IL7: variants seen among roughly 807,000 people sequenced by gnomAD.
The protein encoded by IL7 is interleukin-7.
In IL7, 3 loss-of-function variants were observed where a neutral mutation model predicts 21.6. The ratio of observed to expected loss-of-function variants is 0.14; its 90% CI spans 0.06 to 0.36. The LOEUF is 0.36. Ranked by LOEUF, IL7 falls within the 10% of genes least tolerant of loss-of-function variation. The probability of loss-of-function intolerance (pLI) is 1.00; values close to 1 mark genes in which losing one functional copy is unlikely to be tolerated. For missense variants in IL7, 175 were observed against 200.2 expected, an observed-to-expected ratio of 0.87 and a Z score of 0.76; for synonymous variants, 62 against 68.1, an observed-to-expected ratio of 0.91 and a Z score of 0.44.
At chr8:78,784,559 T>G (rs772104364) in intron 2 of IL7, among the ~76,000 whole-genome samples, 1 of 150,356 alleles carries the variant, frequency 6.7e-6, no homozygotes, top group African/African-American at 2.5e-5. Flanking sequence ...AACATTTAAG[T>G]TTTTTTTAAT....
intron 2 of IL7, among the ~76,000 whole-genome samples, chr8:78,766,784 G>A (rs1812767793): frequency 6.6e-6 from 1 of 152,094 alleles, no homozygotes; most frequent in African/African-American, 2.4e-5. Context: ...ATCTGTATGT[G>A]TTTGTTATCT....
At chr8:78,732,304 A>T (rs1233860001), downstream of IL7, among the ~76,000 whole-genome samples, 1 of 152,174 alleles carries the variant, frequency 6.6e-6, no homozygotes, top group Non-Finnish European at 1.5e-5. Flanking sequence ...ATGGAAGTGT[A>T]TACAATTCTA....
At chr8:78,783,339 G>A (rs1458638750) in intron 2 of IL7, among the ~76,000 whole-genome samples, 1 of 152,190 alleles carries the variant, frequency 6.6e-6, no homozygotes, top group Non-Finnish European at 1.5e-5. Flanking sequence ...TCCCTTGGCT[G>A]GGGATGGGAG....
chr8:78,696,086 G>T (rs905910572), intron 3 of IL7, among the ~76,000 whole-genome samples: 2 of 151,756 alleles, frequency 1.3e-5, no homozygotes, highest in Non-Finnish European at 2.9e-5. Flanking sequence ...CCAGGCTAGA[G>T]TGCAGTGGCG....
intron 3 of IL7, chr8:78,689,358 T>G: frequency 6.3e-7 from 1 of 1,592,322 alleles, no homozygotes; most frequent in Non-Finnish European, 8.5e-7. Flanking sequence ...GAAAACCAAC[T>G]TCTCGGACAC....
At chr8:78,746,942 T>C in intron 2 of IL7, 1 of 411,276 alleles carries the variant, frequency 2.4e-6, no homozygotes. Flanking sequence ...TGAATTTTTT[T>C]CATATTTTTC....
chr8:78,766,607 A>G (rs1463272624), intron 2 of IL7, among the ~76,000 whole-genome samples: 1 of 152,094 alleles, frequency 6.6e-6, no homozygotes, highest in Non-Finnish European at 1.5e-5. Context: ...TATCATTCTC[A>G]CTTTATATCA....
At chr8:78,695,157 T>C in intron 3 of IL7, among the ~76,000 whole-genome samples, 1 of 152,162 alleles carries the variant, frequency 6.6e-6, no homozygotes, top group Admixed American at 6.5e-5. Flanking sequence ...ACCTGACTAG[T>C]TCTTGTCTAA....
Position 78,684,957 on chromosome 8 carries a change from T to A in IL7, n.273+932A>T, listed in dbSNP as rs372107890. On this transcript the variant is annotated intron_variant and non_coding_transcript_variant, in intron 4 of 4. Coordinates refer to the IL7 transcript ENST00000523959. Reference sequence around the variant, plus strand: ...CTTGTTTATAAATGTGATTCTTAATTTTTAAAAATTAGACAAGTTGATTCA... The same window carrying A: ...CTTGTTTATAAATGTGATTCTTAATATTTAAAAATTAGACAAGTTGATTCA... Among the ~76,000 whole-genome samples the A allele has an allele frequency of 7.9e-5, 12 of 152,306 alleles. No individual in the cohort carries two copies. In the East Asian group the frequency reaches 2.1e-3, roughly 27 times the overall value.
chr8:78,795,234 T>C (rs1813815872), intron 2 of IL7, among the ~76,000 whole-genome samples: 1 of 152,126 alleles, frequency 6.6e-6, no homozygotes, highest in South Asian at 2.1e-4. Context: ...AACACAGTAA[T>C]GTCTGCAAAG....
At chr8:78,748,104 A>C (rs1456384108) in intron 2 of IL7, among the ~76,000 whole-genome samples, 1 of 152,210 alleles carries the variant, frequency 6.6e-6, no homozygotes, top group Non-Finnish European at 1.5e-5. Context: ...GTTTGACATA[A>C]AGCCAGAGCT....
chr8:78,740,154 A>T, intron 2 of IL7, 72 bp from the exon 3 acceptor site: 1 of 896,582 alleles, frequency 1.1e-6, no homozygotes, highest in Non-Finnish European at 1.5e-6. Flanking sequence ...TATAAAAAAT[A>T]ATAATCTTAT....
intron 3 of IL7, chr8:78,697,555 C>T (rs777043052): frequency 2.8e-6 from 4 of 1,420,162 alleles, no homozygotes; most frequent in Non-Finnish European, 2.9e-6. Context: ...ACCATGTTGG[C>T]AGAGCAGGAA....
intron 3 of IL7, among the ~76,000 whole-genome samples, chr8:78,688,600 A>G (rs1257827625): frequency 6.6e-6 from 1 of 152,164 alleles, no homozygotes; most frequent in Non-Finnish European, 1.5e-5. Flanking sequence ...GAATAATTTC[A>G]AAAGAAGTTT....
chr8:78,749,550 C>T (rs1812099528), intron 2 of IL7, among the ~76,000 whole-genome samples: 1 of 152,126 alleles, frequency 6.6e-6, no homozygotes, highest in Admixed American at 6.5e-5. Context: ...GAGCAGAAAC[C>T]TCCATAGCAA....
chr8:78,743,968 G>A (rs1019858421), intron 2 of IL7, among the ~76,000 whole-genome samples: 28 of 152,142 alleles, frequency 1.8e-4, no homozygotes, highest in African/African-American at 6.8e-4. Context: ...AAGAGCTCTG[G>A]CCCAGGGAGG....
chr8:78,761,632 G>C (rs1281639506), intron 2 of IL7: 1 of 1,611,952 alleles, frequency 6.2e-7, no homozygotes, highest in Non-Finnish European at 8.5e-7. Flanking sequence ...CCACTACATC[G>C]TCAGTGATAA....
chr8:78,717,499 A>G (rs1554595450), downstream of IL7: 4 of 1,444,506 alleles, frequency 2.8e-6, no homozygotes, highest in Non-Finnish European at 3.6e-6. Flanking sequence ...TATGAATAGA[A>G]TCTCAAAAAA....
exon 5 of IL7, chr8:78,675,982 A>G (rs1035296940): frequency 1.1e-5 from 8 of 758,886 alleles, no homozygotes; most frequent in Admixed American, 2.6e-5. Flanking sequence ...AATGGGTACT[A>G]TTCTTTGTTC....
Sources: gnomAD v4.1 joint callset for allele counts (sites outside exome capture counted in the v4.1 genomes callset) on GRCh38, gnomAD v4.1.1 for gene constraint, MANE v1.5 for transcripts, NCBI Gene and HGNC (gene_info 2026-07-23, HGNC 2026-07-21) for gene names.